SYNDIG1: variants seen among roughly 807,000 people sequenced by gnomAD.
SYNDIG1 encodes the protein synapse differentiation inducing 1.
A neutral mutation model predicts 19.4 loss-of-function variants in SYNDIG1; 9 were observed. The ratio of observed to expected loss-of-function variants is 0.46; its 90% CI spans 0.28 to 0.81. SYNDIG1 has a LOEUF of 0.81. Among genes scored for constraint, SYNDIG1 ranks in the 30% least tolerant of loss-of-function variants. SYNDIG1 has a pLI of 0.12. For synonymous variants in SYNDIG1, 141 were observed against 145.9 expected (o/e 0.97, Z 0.24); for missense variants, 311 against 343.3 (o/e 0.91, Z 0.74).
At chr20:24,473,125 TTGAA>T (rs111299983) in intron 1 of SYNDIG1, among the ~76,000 whole-genome samples, 7,018 of 152,194 alleles carry the variant, frequency 0.046, 306 homozygotes, top group African/African-American at 0.11. Context: ...GCAAAATTCT[TTGAA>T]TGAGTGGGTA....
chr20:24,485,945 A>G (rs560692026), intron 1 of SYNDIG1, among the ~76,000 whole-genome samples: 13 of 152,346 alleles, frequency 8.5e-5, no homozygotes, highest in African/African-American at 3.1e-4. Context: ...TCTTTGGCCC[A>G]AGCTTTGTCT....
intron 3 of SYNDIG1, among the ~76,000 whole-genome samples, chr20:24,592,411 G>C (rs779996544): frequency 6.6e-6 from 1 of 152,138 alleles, no homozygotes; most frequent in African/African-American, 2.4e-5. Context: ...CCCAGAAAGA[G>C]CCTAAACCTT....
rs1329074553 is a variant in SYNDIG1, at chr20:24,658,803, C to T, written c.619-6543C>T. ...TCGTCTGCCTCGTTTTCTCCCAGATCCATGCTGTCCAGTGTGGGACCCCCA... is the reference window on the plus strand; with the variant it reads ...TCGTCTGCCTCGTTTTCTCCCAGATTCATGCTGTCCAGTGTGGGACCCCCA... On this transcript the variant is annotated intron_variant, in intron 3 of 3. Coordinates refer to ENST00000376862, the MANE Select transcript of SYNDIG1 (RefSeq NM_024893.3). This position sits in a 1 kb window ranked among gnomAD's most constrained non-coding sequence, Gnocchi z 4.4. Among the ~76,000 whole-genome samples, 2 of 152,126 alleles carry T rather than the reference C, an allele frequency of 1.3e-5. No homozygotes were observed. The highest frequency in any genetic ancestry group is 4.8e-5 in the African/African-American group (2 of 41,418).
intron 3 of SYNDIG1, among the ~76,000 whole-genome samples, chr20:24,655,423 A>G (rs376423710): frequency 9.5e-4 from 144 of 152,292 alleles, no homozygotes; most frequent in African/African-American, 3.2e-3. Context: ...AAGAAAGCGA[A>G]CTCTTCATCC....
intron 2 of SYNDIG1, among the ~76,000 whole-genome samples, chr20:24,549,823 C>T (rs1434389464): frequency 1.3e-5 from 2 of 152,112 alleles, no homozygotes; most frequent in Non-Finnish European, 1.5e-5. Context: ...GATGTGGAGC[C>T]GGGAAGGATA....
intron 2 of SYNDIG1, among the ~76,000 whole-genome samples, chr20:24,571,250 G>A (rs572711398): frequency 1.3e-5 from 2 of 152,218 alleles, no homozygotes; most frequent in Admixed American, 6.5e-5. Flanking sequence ...ACACACACAC[G>A]CACAAGAATG....
chr20:24,646,191 T>A (rs1011474179), intron 3 of SYNDIG1, among the ~76,000 whole-genome samples: 2 of 152,172 alleles, frequency 1.3e-5, no homozygotes, highest in African/African-American at 4.8e-5. Context: ...GTTCCTCCAA[T>A]GCCTAGAGGA....
At chr20:24,480,393 A>T (rs1359107552) in intron 1 of SYNDIG1, among the ~76,000 whole-genome samples, 1 of 152,238 alleles carries the variant, frequency 6.6e-6, no homozygotes, top group African/African-American at 2.4e-5. Flanking sequence ...CCTACCAGAT[A>T]ATAAAACGAA....
chr20:24,641,673 G>A (rs1600815191), intron 3 of SYNDIG1, among the ~76,000 whole-genome samples: 1 of 152,134 alleles, frequency 6.6e-6, no homozygotes, highest in Admixed American at 6.5e-5. Flanking sequence ...ATACGTGCTA[G>A]ACTTGAGCTG....
chr20:24,569,960 G>A (rs1453562551), intron 2 of SYNDIG1, among the ~76,000 whole-genome samples: 1 of 152,168 alleles, frequency 6.6e-6, no homozygotes, highest in Non-Finnish European at 1.5e-5. Flanking sequence ...TTGAAGTGCA[G>A]GTTGATGCCA....
At chr20:24,488,856 G>A (rs1162241923) in intron 1 of SYNDIG1, among the ~76,000 whole-genome samples, 2 of 152,218 alleles carry the variant, frequency 1.3e-5, no homozygotes, top group African/African-American at 4.8e-5. Flanking sequence ...TGGTGCCAGA[G>A]CATCCCCGGG....
intron 2 of SYNDIG1, among the ~76,000 whole-genome samples, chr20:24,555,817 A>G (rs1166653921): frequency 6.6e-6 from 1 of 152,180 alleles, no homozygotes; most frequent in Non-Finnish European, 1.5e-5. Flanking sequence ...GATGCCTATT[A>G]GGTCCACTTG....
chr20:24,579,626 G>A (rs143153301), intron 2 of SYNDIG1, among the ~76,000 whole-genome samples: 1 of 152,342 alleles, frequency 6.6e-6, no homozygotes, highest in African/African-American at 2.4e-5. Context: ...TGAGCATGTG[G>A]TGTCACTGAG....
intron 3 of SYNDIG1, among the ~76,000 whole-genome samples, chr20:24,642,646 G>A (rs1160923405): frequency 6.6e-6 from 1 of 152,062 alleles, no homozygotes; most frequent in Admixed American, 6.6e-5. Flanking sequence ...TTTATTTGCT[G>A]CTTTGACCCT....
intron 2 of SYNDIG1, among the ~76,000 whole-genome samples, chr20:24,573,735 A>G (rs2146955873): frequency 6.6e-6 from 1 of 152,304 alleles, no homozygotes; most frequent in South Asian, 2.1e-4. Context: ...TGCATGACGT[A>G]TTCGTCATGT....
chr20:24,612,368 A>G (rs2058862652), intron 3 of SYNDIG1, among the ~76,000 whole-genome samples: 1 of 152,160 alleles, frequency 6.6e-6, no homozygotes, highest in Non-Finnish European at 1.5e-5. Context: ...TCCTGAGTCT[A>G]CTTGGGAATA....
chr20:24,503,342 G>T (rs892001473), intron 1 of SYNDIG1, among the ~76,000 whole-genome samples: 2 of 152,174 alleles, frequency 1.3e-5, no homozygotes, highest in Admixed American at 1.3e-4. Flanking sequence ...GGAGGAAAAA[G>T]ATCAGGAAAA....
chr20:24,570,016 CT>C (rs1273476013), intron 2 of SYNDIG1, among the ~76,000 whole-genome samples: 1 of 152,190 alleles, frequency 6.6e-6, no homozygotes, highest in African/African-American at 2.4e-5. Flanking sequence ...GACTTATCCA[CT>C]TTTAATCTGC....
intron 2 of SYNDIG1, among the ~76,000 whole-genome samples, chr20:24,555,393 C>T (rs77632763): frequency 3.9e-5 from 6 of 151,996 alleles, no homozygotes; most frequent in East Asian, 1.9e-4. Context: ...TTAATTGTGA[C>T]GTTAGGGTGT....
Sources: gnomAD v4.1 joint callset for allele counts (sites outside exome capture counted in the v4.1 genomes callset) on GRCh38, gnomAD v4.1.1 for gene constraint, Gnocchi (gnomAD v3.1) non-coding constraint, MANE v1.5 for transcripts, NCBI Gene and HGNC (gene_info 2026-07-23, HGNC 2026-07-21) for gene names.